SHC4: variants seen among roughly 807,000 people sequenced by gnomAD.
SHC4 encodes SHC adaptor protein 4, also known as SHC-transforming protein 4.
In SHC4, 41 loss-of-function variants were observed where a neutral mutation model predicts 69.4. The observed-to-expected ratio is 0.59, with a 90% CI of 0.46 to 0.77. The LOEUF (loss-of-function observed/expected upper bound fraction) is 0.77, where lower values mean the gene tolerates loss of function less well. Ranked by LOEUF, SHC4 falls within the 30% of genes least tolerant of loss-of-function variation. The pLI is 0.00. For synonymous variants in SHC4, 318 were observed against 299.3 expected (o/e 1.06, Z -0.64); for missense variants, 777 against 783.8 (o/e 0.99, Z 0.10).
intron 2 of SHC4, among the ~76,000 whole-genome samples, chr15:48,895,106 GC>G (rs1410206898): frequency 6.6e-6 from 1 of 151,944 alleles, no homozygotes; most frequent in African/African-American, 2.4e-5. Flanking sequence ...CTCCTGGCCA[GC>G]CCCTATTTAC....
Position 48,963,408 on chromosome 15 carries a change from G to C in SHC4, c.-393C>G, listed in dbSNP as rs1209732522. ...TGCAGGAGCCTAGTAGAAATATTTA[G>C]CACCCGACTCCCACCCTCACCCCAG... On this transcript the variant is annotated 5_prime_UTR_variant, in exon 1 of 12. Coordinates refer to ENST00000332408, the MANE Select transcript of SHC4 (RefSeq NM_203349.4). 4.8e-6 allele frequency: 1 copy of C among 209,976 alleles called. No homozygotes were observed. Among genetic ancestry groups the C allele is most frequent in the Non-Finnish European group, 9.6e-6 (1 of 104,502 alleles). The allele number at this position is 209,976 out of a possible 1,614,324, so 13.0% of individuals were successfully genotyped here.
intron 9 of SHC4, among the ~76,000 whole-genome samples, chr15:48,848,887 A>T (rs890700985): frequency 2.6e-5 from 4 of 152,294 alleles, no homozygotes; most frequent in Admixed American, 2.6e-4. Flanking sequence ...AAGGGAAACC[A>T]TGTCCCCTTT....
intron 1 of SHC4, among the ~76,000 whole-genome samples, chr15:48,937,944 G>C (rs1307366326): frequency 6.6e-6 from 1 of 152,128 alleles, no homozygotes; most frequent in Non-Finnish European, 1.5e-5. Flanking sequence ...TTTTAATGTT[G>C]TTATTGAGAT....
At chr15:48,851,959 C>A (rs1229523228) in intron 8 of SHC4, among the ~76,000 whole-genome samples, 1 of 152,062 alleles carries the variant, frequency 6.6e-6, no homozygotes, top group East Asian at 1.9e-4. Context: ...TGGTAGAATC[C>A]TAGGTCTTGA....
chr15:48,832,632 T>C (rs924671583), intron 11 of SHC4, among the ~76,000 whole-genome samples: 1 of 152,154 alleles, frequency 6.6e-6, no homozygotes, highest in East Asian at 1.9e-4. Context: ...CCTTTCCCTC[T>C]TCTTCTTCTC....
chr15:48,856,277 T>C (rs1200678851), intron 7 of SHC4, among the ~76,000 whole-genome samples, 153 bp from the exon 8 acceptor site: 1 of 152,196 alleles, frequency 6.6e-6, no homozygotes, highest in African/African-American at 2.4e-5. Flanking sequence ...AACATTTGGA[T>C]GGGAGCAGTC....
At chr15:48,881,709 T>C (rs1474211720) in intron 4 of SHC4, among the ~76,000 whole-genome samples, 1 of 152,230 alleles carries the variant, frequency 6.6e-6, no homozygotes, top group African/African-American at 2.4e-5. Flanking sequence ...CTGACTTTGC[T>C]TGAGGCCCTA....
intron 2 of SHC4, among the ~76,000 whole-genome samples, chr15:48,902,249 C>T (rs1022554250): frequency 2.6e-5 from 4 of 151,384 alleles, no homozygotes; most frequent in Admixed American, 2.0e-4. Flanking sequence ...TTGTACAACA[C>T]CTATTACCCA....
chr15:48,872,721 T>C (rs115808691), intron 4 of SHC4, among the ~76,000 whole-genome samples: 1 of 152,248 alleles, frequency 6.6e-6, no homozygotes, highest in Admixed American at 6.5e-5. Flanking sequence ...CACTACTAAA[T>C]GTATCCTGAG....
chr15:48,842,586 T>C (rs1899012060), intron 10 of SHC4, among the ~76,000 whole-genome samples: 1 of 152,022 alleles, frequency 6.6e-6, no homozygotes, highest in East Asian at 1.9e-4. Flanking sequence ...ACCAAGAAAA[T>C]AGCCTTCTTG....
At chr15:48,862,187 G>T (rs1758998863) in intron 6 of SHC4, among the ~76,000 whole-genome samples, 1 of 149,186 alleles carries the variant, frequency 6.7e-6, no homozygotes, top group South Asian at 2.1e-4. Flanking sequence ...TGGTTTTACT[G>T]GTTTTGGGGT....
At chr15:48,848,982 C>G (rs527787194) in intron 9 of SHC4, among the ~76,000 whole-genome samples, 26 of 152,180 alleles carry the variant, frequency 1.7e-4, no homozygotes, top group African/African-American at 5.8e-4. Context: ...GAGTTCCCTT[C>G]AGAAGCTGGG....
At chr15:48,874,345 G>A (rs1899752243) in intron 4 of SHC4, among the ~76,000 whole-genome samples, 1 of 152,122 alleles carries the variant, frequency 6.6e-6, no homozygotes, top group African/African-American at 2.4e-5. Flanking sequence ...AAGAACTAGA[G>A]CAGGGGCTCC....
intron 1 of SHC4, among the ~76,000 whole-genome samples, chr15:48,935,804 A>G (rs555771828): frequency 2.0e-5 from 3 of 152,248 alleles, no homozygotes; most frequent in South Asian, 4.1e-4. Flanking sequence ...GCTGCTTGGA[A>G]CACAACTTTA....
intron 7 of SHC4, 43 bp downstream of exon 7, chr15:48,857,649 C>CATAT: frequency 3.4e-6 from 5 of 1,458,306 alleles, no homozygotes; most frequent in South Asian, 1.3e-5. Context: ...TAAATGCACA[C>CATAT]ATATATATAT....
intron 10 of SHC4, among the ~76,000 whole-genome samples, chr15:48,842,697 G>A (rs751676946): frequency 6.6e-6 from 1 of 152,164 alleles, no homozygotes; most frequent in Non-Finnish European, 1.5e-5. Context: ...GAGAGGCCGA[G>A]GCAGGCAGAT....
intron 2 of SHC4, among the ~76,000 whole-genome samples, chr15:48,910,069 T>C (rs1244891255): frequency 2.6e-5 from 4 of 151,952 alleles, no homozygotes; most frequent in Admixed American, 2.0e-4. Flanking sequence ...GCTGGCTTCA[T>C]AGAATGAATT....
intron 2 of SHC4, among the ~76,000 whole-genome samples, chr15:48,920,298 G>T (rs914625594): frequency 2.0e-5 from 3 of 152,104 alleles, no homozygotes; most frequent in Non-Finnish European, 4.4e-5. Flanking sequence ...TGGGATTACA[G>T]GCGTGAGCCA....
intron 4 of SHC4, chr15:48,878,204 C>A: frequency 6.3e-7 from 1 of 1,574,950 alleles, no homozygotes; most frequent in Non-Finnish European, 8.6e-7. Context: ...GTTGTCCGAG[C>A]TGTATGAAGA....
Sources: allele counts gnomAD v4.1 joint callset (sites outside exome capture counted in the v4.1 genomes callset), GRCh38; gene constraint gnomAD v4.1.1; transcripts MANE v1.5; gene names NCBI Gene and HGNC (gene_info 2026-07-23, HGNC 2026-07-21).